Variants in PITPNM2 observed in about 807,000 individuals in gnomAD.
PITPNM2 encodes the protein membrane-associated phosphatidylinositol transfer protein 2.
In PITPNM2, 35 loss-of-function variants were observed where a neutral mutation model predicts 132.2. The observed-to-expected ratio is 0.26, with a 90% CI of 0.20 to 0.35. PITPNM2 has a LOEUF of 0.35. PITPNM2 is among the 10% of genes least tolerant of loss of function. The pLI is 1.00. For synonymous variants in PITPNM2, 738 were observed against 799.2 expected, an observed-to-expected ratio of 0.92 and a Z score of 1.29; for missense variants, 1,332 against 1,912.0, an observed-to-expected ratio of 0.70 and a Z score of 5.66.
At chr12:123,019,811 G>C (rs2039596132) in intron 3 of PITPNM2, among the ~76,000 whole-genome samples, 1 of 152,226 alleles carries the variant, frequency 6.6e-6, no homozygotes, top group Admixed American at 6.5e-5. Flanking sequence ...ACCCCAAAGA[G>C]AACAACTATC....
At chr12:123,012,770 C>A (rs2039262272) in intron 4 of PITPNM2, 36 bp from the exon 5 acceptor site, 1 of 1,608,884 alleles carries the variant, frequency 6.2e-7, no homozygotes, top group South Asian at 1.1e-5. Context: ...AGGACCTGTC[C>A]TTGGAGAGGC....
Position 122,995,609 on chromosome 12 carries a change from C to CGCA in PITPNM2, c.1831_1833dup (p.Cys611dup), listed in dbSNP as rs1435028000. 1 of 1,604,910 alleles carries CGCA rather than the reference C, an allele frequency of 6.2e-7. No homozygotes were observed. Among genetic ancestry groups the CGCA allele is most frequent in the South Asian group, 1.1e-5 (1 of 90,880 alleles). ...CCGCCACCGCCGCCACCGCCACCAC[C>CGCA]GCAGCAGTGTGCTGCATTCATCAGG... On this transcript the variant is annotated inframe_insertion, in exon 14 of 26. Transcript: ENST00000320201.
Position 123,004,295 on chromosome 12 carries a change from A to G in PITPNM2, c.1048+99T>C. 1 of 1,110,864 alleles carries G rather than the reference A, an allele frequency of 9.0e-7. No homozygotes were observed. The highest frequency in any genetic ancestry group is 1.3e-6 in the Non-Finnish European group (1 of 744,268). 68.8% of individuals were successfully genotyped at this position (1,110,864 alleles called of 1,614,324 possible). A position where few individuals can be genotyped will look rare whatever the true frequency, so the allele number is the denominator to read the frequency against. On this transcript the variant is annotated intron_variant, in intron 8 of 25. Coordinates refer to ENST00000320201, the MANE Select transcript of PITPNM2 (RefSeq NM_020845.3). This position sits in a 1 kb window ranked among gnomAD's most constrained non-coding sequence, Gnocchi z 4.9. ...GACTGGATATAGAATAGTAACAGGC[A>G]ACACCCGCATCAGTCCACACCCACA...
intron 1 of PITPNM2, among the ~76,000 whole-genome samples, chr12:123,115,539 C>CG: frequency 6.6e-6 from 1 of 151,934 alleles, no homozygotes. Flanking sequence ...CAATACGCGC[C>CG]CGCACACACA....
chr12:123,003,413 C>A (rs1174154870), intron 8 of PITPNM2, among the ~76,000 whole-genome samples: 3 of 152,188 alleles, frequency 2.0e-5, no homozygotes, highest in African/African-American at 7.2e-5. Flanking sequence ...GGTCAGAGAG[C>A]CACCTGGGAG....
intron 4 of PITPNM2, among the ~76,000 whole-genome samples, chr12:123,013,591 G>A (rs2039299257): frequency 3.9e-5 from 6 of 152,218 alleles, no homozygotes. Context: ...CGCCTTCATG[G>A]CCTCCACACG....
chr12:123,120,670 TACA>T (rs2043016547), intron 1 of PITPNM2, among the ~76,000 whole-genome samples: 1 of 152,156 alleles, frequency 6.6e-6, no homozygotes, highest in African/African-American at 2.4e-5. Context: ...CCTTTGCTGG[TACA>T]ACACCTAGCA....
In PITPNM2 at chr12:122,992,889, G is replaced by A. The variant is rs1427072796; in HGVS notation, c.2234-220C>T. Among the ~76,000 whole-genome samples, 1 of 152,136 alleles carries A rather than the reference G, an allele frequency of 6.6e-6. No homozygotes were observed. The highest frequency in any genetic ancestry group is 1.5e-5 in the Non-Finnish European group (1 of 68,012). On this transcript the variant is annotated intron_variant, in intron 15 of 25. Transcript: ENST00000320201. The surrounding 1 kb of genome is among the most constrained non-coding windows in gnomAD (Gnocchi z 6.5). ...CACCCAGGCTGGAGGGCAGTGGTGC[G>A]ATCTTGGTTCACTGTAGCCTCCGTC...
intron 1 of PITPNM2, among the ~76,000 whole-genome samples, chr12:123,136,762 T>C (rs573071899): frequency 9.7e-4 from 147 of 152,166 alleles, no homozygotes; most frequent in African/African-American, 3.4e-3. Context: ...CCAGGCATGG[T>C]GGCAGGCGCC....
intron 2 of PITPNM2, among the ~76,000 whole-genome samples, chr12:123,045,108 C>T (rs960205295): frequency 1.3e-5 from 2 of 152,228 alleles, no homozygotes; most frequent in African/African-American, 4.8e-5. Context: ...CAGGGACCTT[C>T]TCCCGAAATG....
intron 2 of PITPNM2, among the ~76,000 whole-genome samples, chr12:123,080,303 C>T (rs1256550310): frequency 2.6e-5 from 4 of 152,154 alleles, no homozygotes; most frequent in South Asian, 2.1e-4. Context: ...ACTGCAGCCT[C>T]GACCTCCTGG....
At chr12:123,043,518 C>A (rs1263446190) in intron 2 of PITPNM2, among the ~76,000 whole-genome samples, 1 of 152,168 alleles carries the variant, frequency 6.6e-6, no homozygotes, top group Non-Finnish European at 1.5e-5. Flanking sequence ...CCCCAAATCC[C>A]ACAGAAAGTC....
At chr12:122,996,678 G>C in intron 12 of PITPNM2, 43 bp downstream of exon 12, 4 of 1,611,148 alleles carry the variant, frequency 2.5e-6, no homozygotes, top group Non-Finnish European at 8.5e-7. Context: ...CGCCCTACAG[G>C]GTCTTCCATC....
rs79455178 is a variant in PITPNM2, at chr12:123,036,159, C to G, written c.-95-1474G>C. On this transcript the variant is annotated intron_variant, in intron 2 of 25. Coordinates refer to ENST00000320201, the MANE Select transcript of PITPNM2 (RefSeq NM_020845.3). The surrounding 1 kb of genome is among the most constrained non-coding windows in gnomAD (Gnocchi z 4.1). ...GGCAACTTCCCCAGGGCACGGCTCTCTATCGGGCATTGGAGTATCACCCAG... is the reference window on the plus strand; with the variant it reads ...GGCAACTTCCCCAGGGCACGGCTCTGTATCGGGCATTGGAGTATCACCCAG... Among the ~76,000 whole-genome samples, 13,907 of 152,258 alleles carry G rather than the reference C, an allele frequency of 0.091. 2,126 individuals are homozygous for G. The highest frequency in any genetic ancestry group is 0.32 in the African/African-American group (13,084 of 41,496).
rs972103125 is a variant in PITPNM2 at position 123,058,762 on chromosome 12, C to T, written c.-95-24077G>A. ...CTGAGGCATTTGCTCAAGTGCTCAA[C>T]CCCTGCTGGTTCTTTTGTGGAAAAA... On this transcript the variant is annotated intron_variant, in intron 2 of 25. Transcript: ENST00000320201. This position sits in a 1 kb window ranked among gnomAD's most constrained non-coding sequence, Gnocchi z 4.0. Among the ~76,000 whole-genome samples the T allele has an allele frequency of 6.6e-6, 1 of 152,214 alleles. No individual in the cohort carries two copies. The highest frequency in any genetic ancestry group is 1.5e-5 in the Non-Finnish European group (1 of 68,044).
At chr12:123,134,814 A>G (rs2137589240) in intron 1 of PITPNM2, among the ~76,000 whole-genome samples, 1 of 152,248 alleles carries the variant, frequency 6.6e-6, no homozygotes, top group Non-Finnish European at 1.5e-5. Flanking sequence ...TCTGTTAGCC[A>G]TGGGACCTTG....
chr12:123,037,884 A>C (rs2040333280), intron 2 of PITPNM2, among the ~76,000 whole-genome samples: 1 of 152,264 alleles, frequency 6.6e-6, no homozygotes, highest in East Asian at 1.9e-4. Context: ...TCTGGAACAG[A>C]TACCTAATGA....
At chr12:123,029,315 A>G (rs1022598982) in intron 3 of PITPNM2, among the ~76,000 whole-genome samples, 3 of 152,258 alleles carry the variant, frequency 2.0e-5, no homozygotes, top group East Asian at 1.9e-4. Flanking sequence ...CTGGCTGTGC[A>G]TGGTGGCTCA....
intron 3 of PITPNM2, among the ~76,000 whole-genome samples, chr12:123,015,348 A>AACAG (rs60609226): frequency 2.0e-5 from 3 of 152,170 alleles, no homozygotes; most frequent in African/African-American, 2.4e-5. Flanking sequence ...CAAATAGATC[A>AACAG]ACAGACAGAC....
Sources: gnomAD v4.1 joint callset for allele counts (sites outside exome capture counted in the v4.1 genomes callset) on GRCh38, gnomAD v4.1.1 for gene constraint, Gnocchi (gnomAD v3.1) non-coding constraint, MANE v1.5 for transcripts, NCBI Gene and HGNC (gene_info 2026-07-23, HGNC 2026-07-21) for gene names.